Variants in TRDMT1 observed in about 807,000 individuals in gnomAD.
The protein encoded by TRDMT1 is tRNA aspartic acid methyltransferase 1, also known as tRNA (cytosine(38)-C(5))-methyltransferase.
A neutral mutation model predicts 51.2 loss-of-function variants in TRDMT1; 49 were observed. That is an observed-to-expected ratio of 0.96 (90% confidence interval 0.76 to 1.21). The LOEUF (loss-of-function observed/expected upper bound fraction) is 1.21, where lower values mean the gene tolerates loss of function less well. TRDMT1 is among the 50% of genes most tolerant of loss of function. TRDMT1 has a pLI of 0.00. For synonymous variants in TRDMT1, 187 were observed against 164.6 expected (o/e 1.14, Z -1.04); for missense variants, 534 against 462.3 (o/e 1.16, Z -1.42).
At chr10:17,185,512 C>T (rs901944960) in intron 1 of TRDMT1, among the ~76,000 whole-genome samples, 6 of 152,146 alleles carry the variant, frequency 3.9e-5, no homozygotes, top group Non-Finnish European at 1.5e-5. Flanking sequence ...GTTGGTGTGG[C>T]GATTCCTCAG....
intron 3 of TRDMT1, among the ~76,000 whole-genome samples, chr10:17,163,087 C>T (rs1840647988): frequency 6.6e-6 from 1 of 152,092 alleles, no homozygotes; most frequent in Non-Finnish European, 1.5e-5. Context: ...GTAAAACTAA[C>T]ACAATTTTGT....
intron 8 of TRDMT1, among the ~76,000 whole-genome samples, chr10:17,154,941 C>T (rs142987943): frequency 2.6e-5 from 4 of 152,042 alleles, no homozygotes; most frequent in African/African-American, 7.2e-5. Context: ...ATCAATGGGC[C>T]GGGCACAGTG....
At chr10:17,165,987 G>C (rs933410690) in intron 3 of TRDMT1, among the ~76,000 whole-genome samples, 9 of 152,252 alleles carry the variant, frequency 5.9e-5, no homozygotes, top group East Asian at 1.9e-4. Context: ...TCTAGAACTA[G>C]AAATACCATT....
intron 1 of TRDMT1, among the ~76,000 whole-genome samples, chr10:17,181,075 T>G (rs1157688210): frequency 6.8e-6 from 1 of 147,962 alleles, no homozygotes. Flanking sequence ...AACATCAAAT[T>G]TATTCACTGT....
chr10:17,155,341 T>C (rs567927744), intron 8 of TRDMT1, among the ~76,000 whole-genome samples: 20 of 152,376 alleles, frequency 1.3e-4, no homozygotes, highest in Admixed American at 1.0e-3. Context: ...TTGTCTTGAA[T>C]GTTCATCACT....
At chr10:17,173,002 T>C (rs1842216733) in intron 2 of TRDMT1, among the ~76,000 whole-genome samples, 1 of 152,136 alleles carries the variant, frequency 6.6e-6, no homozygotes, top group Non-Finnish European at 1.5e-5. Flanking sequence ...TATTTAGATA[T>C]TTAAAAATAA....
chr10:17,165,901 G>A (rs1290422379), intron 3 of TRDMT1, among the ~76,000 whole-genome samples: 2 of 152,124 alleles, frequency 1.3e-5, no homozygotes. Flanking sequence ...GGAGAAATAG[G>A]AACACTTTTA....
At chr10:17,153,423 A>G (rs769147187) in intron 10 of TRDMT1, 84 bp downstream of exon 10, 2 of 1,498,958 alleles carry the variant, frequency 1.3e-6, no homozygotes, top group African/African-American at 1.4e-5. Context: ...CCATTTGTTT[A>G]GGCAAGTCCT....
Position 17,157,472 on chromosome 10 carries a change from T to C in TRDMT1, c.856A>G (p.Thr286Ala). ...YALLLDIVQPTCRRSVCFTKG... is the reference protein window; with the variant it reads ...YALLLDIVQPACRRSVCFTKG... ...GTAAAGCACACGGACCTTCTACAAG[T>C]GGGCTGAACAATGTCTAACAGAAGA... Residue 286 changes from threonine to alanine, a missense_variant, in exon 8 of 11, where the codon ACT becomes GCT. Transcript: ENST00000377799. 6.2e-7 allele frequency: 1 copy of C among 1,610,890 alleles called. No homozygotes were observed. Among genetic ancestry groups the C allele is most frequent in the Non-Finnish European group, 8.5e-7 (1 of 1,177,258 alleles).
intron 1 of TRDMT1, among the ~76,000 whole-genome samples, chr10:17,176,124 C>G (rs1276335983): frequency 6.6e-6 from 1 of 152,148 alleles, no homozygotes; most frequent in African/African-American, 2.4e-5. Flanking sequence ...ATATAAGGAT[C>G]CATTTGCAAA....
intron 5 of TRDMT1, among the ~76,000 whole-genome samples, 159 bp from the exon 6 acceptor site, chr10:17,160,533 A>G (rs7907126): frequency 0.48 from 72,963 of 151,890 alleles, 18,016 homozygotes; most frequent in African/African-American, 0.58. Context: ...ATGCAATGGC[A>G]GAATCTCGGC....
chr10:17,156,086 G>T (rs571265235), intron 8 of TRDMT1, among the ~76,000 whole-genome samples: 1 of 152,184 alleles, frequency 6.6e-6, no homozygotes, highest in African/African-American at 2.4e-5. Flanking sequence ...ACTCTGGTAT[G>T]GTTCTACTGG....
At chr10:17,189,726 A>G (rs1303325424) in intron 1 of TRDMT1, among the ~76,000 whole-genome samples, 1 of 152,186 alleles carries the variant, frequency 6.6e-6, no homozygotes, top group Non-Finnish European at 1.5e-5. Context: ...ATTTAAAATC[A>G]TATGCTAACA....
chr10:17,201,137 C>T (rs916627269), intron 1 of TRDMT1: 2 of 167,172 alleles, frequency 1.2e-5, no homozygotes, highest in Non-Finnish European at 2.6e-5. Context: ...CAAGATCCAT[C>T]TCTCACCAGG....
At position 17,160,308 on chromosome 10, in the gene TRDMT1, G is replaced by A. The variant is rs780556681; in HGVS notation, c.456C>T (p.Thr152=). 2.6e-5 allele frequency: 41 copies of A among 1,556,476 alleles called. No individual in the cohort carries two copies. Among genetic ancestry groups the A allele is most frequent in the Non-Finnish European group, 3.3e-5 (38 of 1,151,926 alleles). ...CATTTATAACTGTGATACCTACAGA[G>A]GTTGGAGATAATAGAAACTCTTGGT... ...FQYQEFLLSP[T]SLGIPNSRLR... The change falls in exon 6 of 11, where the codon ACC becomes ACT. Residue 152 remains threonine, a synonymous_variant. Transcript: ENST00000377799.
At chr10:17,168,210 G>A (rs1234918733) in intron 3 of TRDMT1, among the ~76,000 whole-genome samples, 2 of 152,134 alleles carry the variant, frequency 1.3e-5, no homozygotes, top group African/African-American at 4.8e-5. Flanking sequence ...GGCTGAGGCA[G>A]GAGGATTGCT....
At position 17,147,855 on chromosome 10, in the gene TRDMT1, G is replaced by A. The variant is rs1396246659; in HGVS notation, c.*1185C>T. On this transcript the variant is annotated 3_prime_UTR_variant, in exon 11 of 11. Transcript: ENST00000377799. ...AGAGGTGGAATCGCTGAATCATAGG[G>A]TAATTCTATGTTGAATTTTGTGACG... 1 of 339,304 alleles carries A rather than the reference G, an allele frequency of 2.9e-6. No individual in the cohort carries two copies. Among genetic ancestry groups the A allele is most frequent in the Admixed American group, 6.5e-5 (1 of 15,486 alleles). 21.0% of individuals were successfully genotyped at this position (339,304 alleles called of 1,614,324 possible). A position where few individuals can be genotyped will look rare whatever the true frequency, so the allele number is the denominator to read the frequency against.
chr10:17,165,898 T>C (rs1434100214), intron 3 of TRDMT1, among the ~76,000 whole-genome samples: 1 of 152,036 alleles, frequency 6.6e-6, no homozygotes, highest in Admixed American at 6.5e-5. Flanking sequence ...TGTGGAGAAA[T>C]AGGAACACTT....
intron 9 of TRDMT1, among the ~76,000 whole-genome samples, chr10:17,154,129 T>C (rs955176389): frequency 1.3e-5 from 2 of 152,172 alleles, no homozygotes; most frequent in Non-Finnish European, 2.9e-5. Flanking sequence ...TTACCATGGG[T>C]AAATTTTATC....
Sources: allele counts gnomAD v4.1 joint callset (sites outside exome capture counted in the v4.1 genomes callset), GRCh38; gene constraint gnomAD v4.1.1; transcripts MANE v1.5; gene names NCBI Gene and HGNC (gene_info 2026-07-23, HGNC 2026-07-21).